PRPSAP2: variants seen among roughly 807,000 people sequenced by gnomAD.
The protein encoded by PRPSAP2 is phosphoribosyl pyrophosphate synthetase associated protein 2.
PRPSAP2 carries 24 observed loss-of-function variants against 40.6 expected under a neutral mutation model. The observed-to-expected ratio is 0.59, with a 90% CI of 0.43 to 0.83. PRPSAP2 has a LOEUF of 0.83. PRPSAP2 is among the 40% of genes least tolerant of loss of function. The probability of loss-of-function intolerance (pLI) is 0.00; values close to 1 mark genes in which losing one functional copy is unlikely to be tolerated. For missense variants in PRPSAP2, 292 were observed against 465.6 expected (o/e 0.63, Z 3.43); for synonymous variants, 149 against 164.7 (o/e 0.90, Z 0.73).
At chr17:18,907,212 GA>G (rs1307505999) in intron 8 of PRPSAP2, among the ~76,000 whole-genome samples, 27 of 152,008 alleles carry the variant, frequency 1.8e-4, no homozygotes, top group Admixed American at 1.5e-3. Flanking sequence ...GCTGAGGATG[GA>G]AAAAAGAGTA....
chr17:18,921,890 A>T (rs576353710), intron 9 of PRPSAP2, among the ~76,000 whole-genome samples: 33 of 152,350 alleles, frequency 2.2e-4, no homozygotes, highest in African/African-American at 7.5e-4. Context: ...CTTTCAGTAT[A>T]TTCACAGTTT....
chr17:18,918,890 T>G (rs922648015), intron 9 of PRPSAP2, among the ~76,000 whole-genome samples: 3 of 152,264 alleles, frequency 2.0e-5, no homozygotes, highest in African/African-American at 7.2e-5. Context: ...TATTTTGATA[T>G]GTTGAATCAA....
intron 1 of PRPSAP2, among the ~76,000 whole-genome samples, chr17:18,858,952 A>G (rs1284787611): frequency 2.0e-5 from 3 of 152,078 alleles, no homozygotes; most frequent in Non-Finnish European, 4.4e-5. Context: ...CTTTTTGTCC[A>G]TATTCCTTTC....
At chr17:18,908,896 T>C in intron 8 of PRPSAP2, 1 of 475,586 alleles carries the variant, frequency 2.1e-6, no homozygotes, top group Non-Finnish European at 3.9e-6. Context: ...TTTCCTCCCT[T>C]TCCTTTCCTT....
At chr17:18,862,045 G>A (rs142679485) in intron 1 of PRPSAP2, among the ~76,000 whole-genome samples, 2 of 152,096 alleles carry the variant, frequency 1.3e-5, no homozygotes, top group Non-Finnish European at 2.9e-5. Context: ...GTGCCACCAG[G>A]CCTAGCTAAT....
intron 5 of PRPSAP2, among the ~76,000 whole-genome samples, chr17:18,873,071 A>G (rs998041544): frequency 2.0e-5 from 3 of 150,822 alleles, no homozygotes; most frequent in Non-Finnish European, 4.4e-5. Context: ...TGAACTCCTG[A>G]CCTCACGCAA....
At chr17:18,906,517 C>G (rs2040595270) in intron 8 of PRPSAP2, among the ~76,000 whole-genome samples, 1 of 148,436 alleles carries the variant, frequency 6.7e-6, no homozygotes, top group African/African-American at 2.5e-5. Context: ...CCTGGGCCAG[C>G]TAATTTTTTT....
Position 18,910,676 on chromosome 17 carries a change from T to C in PRPSAP2, c.585-427T>C, listed in dbSNP as rs564310089. Among the ~76,000 whole-genome samples, 3 of 152,326 alleles carry C rather than the reference T, an allele frequency of 2.0e-5. No individual in the cohort carries two copies. The South Asian group carries it at 6.2e-4, about 32-fold the overall frequency. On this transcript the variant is annotated intron_variant, in intron 8 of 11. Transcript: ENST00000268835. ...CTTTAGATATGCACAGTTTCTCATA[T>C]CTCAGTTTTACCTCCCTAAAACTAT...
intron 8 of PRPSAP2, among the ~76,000 whole-genome samples, chr17:18,903,569 A>G (rs2040411671): frequency 6.6e-6 from 1 of 152,078 alleles, no homozygotes; most frequent in African/African-American, 2.4e-5. Flanking sequence ...CCCCATCTCT[A>G]CCAAAAATAC....
At chr17:18,860,301 C>A (rs1005324105) in intron 1 of PRPSAP2, among the ~76,000 whole-genome samples, 3 of 152,128 alleles carry the variant, frequency 2.0e-5, no homozygotes, top group Admixed American at 6.6e-5. Flanking sequence ...GGTGATCCGT[C>A]CACCTTGGCC....
chr17:18,914,249 C>CTTTTTGTTTTTTTTTTTTTTTTTTTT (rs2041154968), intron 9 of PRPSAP2, among the ~76,000 whole-genome samples: 1 of 48,088 alleles, frequency 2.1e-5, no homozygotes, highest in Non-Finnish European at 3.4e-5. Flanking sequence ...CATGTTTTTG[C>CTTTTTGTTTTTTTTTTTTTTTTTTTT]TTTTTTTTTT....
chr17:18,911,252 G>T lies in PRPSAP2; in HGVS notation c.733+1G>T, dbSNP rs2040941319. The stretch of plus-strand genomic sequence containing the variant: ...ATCCACCCCAGCCTGGAGATCCCCA[G>T]TAAGTGTGCTGCTGCCTCTTTCCCA... On this transcript the variant is annotated splice_donor_variant, in intron 9 of 11. Transcript: ENST00000268835. LOFTEE classifies it high-confidence loss of function. This position sits in a 1 kb window ranked among gnomAD's most constrained non-coding sequence, Gnocchi z 4.5. 1 of 1,606,216 alleles carries T rather than the reference G, an allele frequency of 6.2e-7. No homozygotes were observed. The highest frequency in any genetic ancestry group is 1.7e-5 in the Admixed American group (1 of 59,562).
rs552258883 is a variant in PRPSAP2, at chr17:18,907,336, G to A, written c.585-3767G>A. ...TCTTTTCCTAATGATAAAGGGGTCA[G>A]TTCTTCAAGAGGACAAAACAGTTCT... On this transcript the variant is annotated intron_variant, in intron 8 of 11. Transcript: ENST00000268835. 4.3e-4 allele frequency among the ~76,000 whole-genome samples: 66 copies of A among 152,274 alleles called. No homozygotes were observed. In the South Asian group the frequency reaches 0.013, roughly 30 times the overall value.
At chr17:18,925,133 A>T (rs1177688462) in intron 10 of PRPSAP2, among the ~76,000 whole-genome samples, 1 of 152,220 alleles carries the variant, frequency 6.6e-6, no homozygotes, top group Admixed American at 6.5e-5. Flanking sequence ...AGAAAAAAAA[A>T]AAGTAAACTA....
intron 8 of PRPSAP2, chr17:18,908,803 GA>G: frequency 2.8e-6 from 2 of 723,332 alleles, no homozygotes; most frequent in South Asian, 1.4e-5. Context: ...AAAAGTGGCG[GA>G]AAAGCTAGAA....
At chr17:18,920,001 C>T (rs1009538446) in intron 9 of PRPSAP2, among the ~76,000 whole-genome samples, 1 of 152,130 alleles carries the variant, frequency 6.6e-6, no homozygotes, top group Non-Finnish European at 1.5e-5. Flanking sequence ...TTTCTCACAG[C>T]CTCACGTGCC....
rs188596408 is a variant in PRPSAP2 at position 18,908,444 on chromosome 17, T to C, written c.585-2659T>C. ...GCAGACGAAACTGTTCTGATTTGCC[T>C]CAGAGAAGGATCTCCCAGAATGGAA... On this transcript the variant is annotated intron_variant, in intron 8 of 11. Transcript: ENST00000268835. 1,679 of 758,662 alleles carry C rather than the reference T, an allele frequency of 2.2e-3. 18 individuals carry two copies. The African/African-American group carries it at 0.022, about 10-fold the overall frequency. The allele number at this position is 758,662 out of a possible 1,614,324, so 47.0% of individuals were successfully genotyped here.
chr17:18,917,586 T>TATTATTTTATTATTATTA (rs1448581125), intron 9 of PRPSAP2: 1 of 23,878 alleles, frequency 4.2e-5, no homozygotes, highest in African/African-American at 1.9e-4. Flanking sequence ...TTATTATTAT[T>TATTATTTTATTATTATTA]TTTTTTTTTT....
At chr17:18,864,699 C>T (rs3764446) in intron 1 of PRPSAP2, among the ~76,000 whole-genome samples, 16,146 of 152,140 alleles carry the variant, frequency 0.11, 1,392 homozygotes, top group East Asian at 0.45. Flanking sequence ...TGATCTACAC[C>T]AGCCTTCCCA....
Sources: gnomAD v4.1 joint callset for allele counts (sites outside exome capture counted in the v4.1 genomes callset) on GRCh38, gnomAD v4.1.1 for gene constraint, Gnocchi (gnomAD v3.1) non-coding constraint, MANE v1.5 for transcripts, NCBI Gene and HGNC (gene_info 2026-07-23, HGNC 2026-07-21) for gene names.